The following PCDHGA10 variants were observed in gnomAD, a reference collection of about 807,000 sequenced individuals.
The protein encoded by PCDHGA10 is protocadherin gamma subfamily A, 10, also known as protocadherin gamma-A10.
Under a neutral mutation model 59.5 loss-of-function variants are expected in PCDHGA10, and 42 were observed. The ratio of observed to expected loss-of-function variants is 0.71; its 90% confidence interval spans 0.55 to 0.91. PCDHGA10 has a LOEUF of 0.91. Ranked by LOEUF, PCDHGA10 falls within the 40% of genes least tolerant of loss-of-function variation. The pLI is 0.00. For missense variants in PCDHGA10, 1,111 were observed against 1,198.2 expected (o/e 0.93, Z 1.07); for synonymous variants, 511 against 517.2 (o/e 0.99, Z 0.16).
At chr5:141,463,650 A>G (rs1206605758) in intron 1 of PCDHGA10, among the ~76,000 whole-genome samples, 1 of 151,746 alleles carries the variant, frequency 6.6e-6, no homozygotes, top group South Asian at 2.1e-4. Flanking sequence ...ACGGGGTTTC[A>G]CCGTGTTAGC....
At chr5:141,443,113 T>C (rs2098364390) in intron 1 of PCDHGA10, among the ~76,000 whole-genome samples, 1 of 152,040 alleles carries the variant, frequency 6.6e-6, no homozygotes, top group African/African-American at 2.4e-5. Flanking sequence ...ACCTTGCTTT[T>C]CAAACCAGAT....
At chr5:141,419,529 A>G (rs2096395609) in intron 1 of PCDHGA10, 2 of 1,612,082 alleles carry the variant, frequency 1.2e-6, no homozygotes, top group Non-Finnish European at 1.7e-6. Context: ...GACCGTAACG[A>G]CAACGCACCG....
At chr5:141,433,318 G>A (rs1659490277) in intron 1 of PCDHGA10, 2 of 788,746 alleles carry the variant, frequency 2.5e-6, no homozygotes, top group Non-Finnish European at 4.0e-6. Context: ...CTTTGCCTCC[G>A]GTGTAACAGG....
At chr5:141,423,749 T>TTG (rs1249843775) in intron 1 of PCDHGA10, 127 of 272,264 alleles carry the variant, frequency 4.7e-4, no homozygotes, top group South Asian at 6.4e-4. Context: ...TGAAAACTGT[T>TTG]TGGGGGGGGG....
intron 1 of PCDHGA10, among the ~76,000 whole-genome samples, chr5:141,484,535 A>G (rs2099597486): frequency 6.6e-6 from 1 of 152,178 alleles, no homozygotes. Flanking sequence ...AGTATATGGC[A>G]GTGGTTCTAA....
rs529787438 is a variant in PCDHGA10 at position 141,470,330 on chromosome 5, G to A, written c.2437-24477G>A. Among the ~76,000 whole-genome samples the A allele has an allele frequency of 3.3e-4, 50 of 152,144 alleles. 1 individual carries two copies. The highest frequency in any genetic ancestry group is 1.1e-3 in the African/African-American group (47 of 41,498). ...TTTTCCTCAAATGATCCCATAATTT[G>A]ACCTTAGGAAGCTGTTCAAATAGAC... On this transcript the variant is annotated intron_variant, in intron 1 of 3. Coordinates refer to ENST00000398610, the MANE Select transcript of PCDHGA10 (RefSeq NM_018913.3).
chr5:141,422,156 T>C, intron 1 of PCDHGA10: 2 of 1,573,504 alleles, frequency 1.3e-6, no homozygotes, highest in Non-Finnish European at 8.6e-7. Flanking sequence ...TCTCTGGATT[T>C]TGAAAAATAT....
intron 1 of PCDHGA10, among the ~76,000 whole-genome samples, chr5:141,488,190 G>A (rs1162264945): frequency 1.3e-5 from 2 of 152,164 alleles, no homozygotes; most frequent in African/African-American, 4.8e-5. Flanking sequence ...CTTTTGGTCT[G>A]GGTCTTAGGA....
rs775712620 is a variant in PCDHGA10, at chr5:141,491,341, G to T, written c.2437-3466G>T. 1 of 1,613,982 alleles carries T rather than the reference G, an allele frequency of 6.2e-7. No homozygotes were observed. The highest frequency in any genetic ancestry group is 8.5e-7 in the Non-Finnish European group (1 of 1,180,016). ...TTACCTCATTGTGGCTCTAGCGACC[G>T]TCAGTCTCTTATCCCTAGTCACCTT... On this transcript the variant is annotated intron_variant, in intron 1 of 3. Coordinates refer to ENST00000398610, the MANE Select transcript of PCDHGA10 (RefSeq NM_018913.3). The surrounding 1 kb of genome is among the most constrained non-coding windows in gnomAD (Gnocchi z 6.9).
At chr5:141,469,408 C>A (rs765861544) in intron 1 of PCDHGA10, among the ~76,000 whole-genome samples, 20 of 152,008 alleles carry the variant, frequency 1.3e-4, no homozygotes, top group Non-Finnish European at 2.6e-4. Flanking sequence ...AACCCCGTTT[C>A]TACTAAAAAT....
chr5:141,415,227 T>A lies in PCDHGA10; in HGVS notation c.2052T>A (p.Ser684=). The change falls in exon 1 of 4, where the codon TCT becomes TCA. Residue 684 remains serine (S), a synonymous_variant. Coordinates refer to ENST00000398610, the MANE Select transcript of PCDHGA10 (RefSeq NM_018913.3). The stretch of plus-strand genomic sequence containing the variant: ...TGGCGGACCTCGGCAGCTTCGAGTC[T>A]CCAGCTAACTCTGAAACCTCAGACC... The part of the protein sequence containing the change: ...QVLADLGSFE[S]PANSETSDLT... 1.2e-6 allele frequency: 2 copies of A among 1,614,126 alleles called. No individual in the cohort carries two copies. The highest frequency in any genetic ancestry group is 2.7e-5 in the African/African-American group (2 of 75,070).
chr5:141,478,801 T>G (rs2099477985), intron 1 of PCDHGA10: 1 of 1,463,438 alleles, frequency 6.8e-7, no homozygotes, highest in African/African-American at 1.4e-5. Flanking sequence ...TCAGCACTCT[T>G]TTGCTATCAC....
rs754747902 is a variant in PCDHGA10 at position 141,417,898 on chromosome 5, G to T, written c.2436+2287G>T. The T allele has an allele frequency of 5.5e-5, 87 of 1,579,262 alleles. 1 individual carries two copies. The South Asian group carries it at 7.8e-4, about 14-fold the overall frequency. The stretch of plus-strand genomic sequence containing the variant: ...GCGCGCAGAGGCGCCGGGCCGGCCC[G>T]CGGCAGGTACTATTTCCTTTGCTGC... On this transcript the variant is annotated intron_variant, in intron 1 of 3. Coordinates refer to ENST00000398610, the MANE Select transcript of PCDHGA10 (RefSeq NM_018913.3).
rs577323909 is a variant in PCDHGA10 at position 141,419,160 on chromosome 5, C to G, written c.2436+3549C>G. 13 of 1,613,956 alleles carry G rather than the reference C, an allele frequency of 8.1e-6. 1 individual carries two copies. In the South Asian group the frequency reaches 1.4e-4, roughly 18 times the overall value. On this transcript the variant is annotated intron_variant, in intron 1 of 3. Coordinates refer to ENST00000398610, the MANE Select transcript of PCDHGA10 (RefSeq NM_018913.3). ...GACAGGGGCAAGCCTCCGTTATCCT[C>G]CAGCAAAACCATAACCCTGCACATT...
chr5:141,476,926 T>G lies in PCDHGA10; in HGVS notation c.2437-17881T>G, dbSNP rs779017502. ...GCGTGGTACAAGTCCTTGCAACGGA[T>G]CTGGATGAAGGCCCCAACGGTGAAA... is the stretch of plus-strand genomic sequence containing the variant. On this transcript the variant is annotated intron_variant, in intron 1 of 3. Coordinates refer to ENST00000398610, the MANE Select transcript of PCDHGA10 (RefSeq NM_018913.3). The surrounding 1 kb of genome is among the most constrained non-coding windows in gnomAD (Gnocchi z 7.6). 1 of 1,614,072 alleles carries G rather than the reference T, an allele frequency of 6.2e-7. No homozygotes were observed. The highest frequency in any genetic ancestry group is 1.1e-5 in the South Asian group (1 of 91,092).
chr5:141,447,018 G>GT (rs1329161304), intron 1 of PCDHGA10, among the ~76,000 whole-genome samples: 6 of 142,194 alleles, frequency 4.2e-5, no homozygotes, highest in African/African-American at 1.6e-4. Context: ...GTTCAGTTTT[G>GT]TTTTGTTTTT....
intron 1 of PCDHGA10, chr5:141,419,504 C>T (rs577411043): frequency 4.7e-5 from 75 of 1,612,298 alleles, no homozygotes; most frequent in South Asian, 2.7e-4. Flanking sequence ...TGTGAGCCTG[C>T]GCGTGTTGGT....
At position 141,490,742 on chromosome 5, in the gene PCDHGA10, C is replaced by A. The variant is rs1281337347; in HGVS notation, c.2437-4065C>A. 1.2e-6 allele frequency: 2 copies of A among 1,614,062 alleles called. No homozygotes were observed. Among genetic ancestry groups the A allele is most frequent in the Non-Finnish European group, 1.7e-6 (2 of 1,180,022 alleles). On this transcript the variant is annotated intron_variant, in intron 1 of 3. Coordinates refer to ENST00000398610, the MANE Select transcript of PCDHGA10 (RefSeq NM_018913.3). This position sits in a 1 kb window ranked among gnomAD's most constrained non-coding sequence, Gnocchi z 5.4. ...ATTGTAGGAAATCAGGTTCAGGGAGCCCCAGCCTCCTCCTTTGTGTATGTC... is the reference window on the plus strand; with the variant it reads ...ATTGTAGGAAATCAGGTTCAGGGAGACCCAGCCTCCTCCTTTGTGTATGTC...
At position 141,495,009 on chromosome 5, in the gene PCDHGA10, G is replaced by A; in HGVS notation, c.2495+144G>A. 6 of 1,518,622 alleles carry A rather than the reference G, an allele frequency of 4.0e-6. No homozygotes were observed. The South Asian group carries it at 6.2e-5, about 16-fold the overall frequency. The allele number at this position is 1,518,622 out of a possible 1,614,324, so 94.1% of individuals were successfully genotyped here. ...TCCCAGGGAGGTCTTGGTGTGCGGG[G>A]GGCTGGCACACAGACCCCGGAAGGA... is the stretch of plus-strand genomic sequence containing the variant. On this transcript the variant is annotated intron_variant, in intron 2 of 3. Coordinates refer to ENST00000398610, the MANE Select transcript of PCDHGA10 (RefSeq NM_018913.3).
Sources: gnomAD v4.1 joint callset for allele counts (sites outside exome capture counted in the v4.1 genomes callset) on GRCh38, gnomAD v4.1.1 for gene constraint, Gnocchi (gnomAD v3.1) non-coding constraint, MANE v1.5 for transcripts, NCBI Gene and HGNC (gene_info 2026-07-23, HGNC 2026-07-21) for gene names.